SNAP25: variants seen among roughly 807,000 people sequenced by gnomAD.
SNAP25 encodes synaptosome associated protein 25.
In SNAP25, 3 loss-of-function variants were observed where a neutral mutation model predicts 28.7. The ratio of observed to expected loss-of-function variants is 0.10; its 90% CI spans 0.05 to 0.27. SNAP25 has a LOEUF of 0.27. Among genes scored for constraint, SNAP25 ranks in the 10% least tolerant of loss-of-function variants. The pLI, the probability that SNAP25 is intolerant of heterozygous loss-of-function variation, is 1.00. For synonymous variants in SNAP25, 61 were observed against 88.1 expected, an observed-to-expected ratio of 0.69 and a Z score of 1.72; for missense variants, 117 against 278.7, an observed-to-expected ratio of 0.42 and a Z score of 4.13.
At position 10,275,488 on chromosome 20, in the gene SNAP25, T is replaced by A. The variant is rs376614000; in HGVS notation, c.-4T>A. 1 of 1,602,308 alleles carries A rather than the reference T, an allele frequency of 6.2e-7. No homozygotes were observed. The highest frequency in any genetic ancestry group is 8.5e-7 in the Non-Finnish European group (1 of 1,174,196). On this transcript the variant is annotated 5_prime_UTR_variant, in exon 2 of 8. Coordinates refer to ENST00000254976, the MANE Select transcript of SNAP25 (RefSeq NM_130811.4). ...CAGGCGCCCAGCCACTCCCCACCGC[T>A]ACCATGGCCGAAGACGCAGACATGC... is the stretch of plus-strand genomic sequence containing the variant.
At position 10,239,316 on chromosome 20, in the gene SNAP25, T is replaced by C. The variant is rs188528373; in HGVS notation, c.-64+20339T>C. ...AATTTCATGCACACATATATGAAAT[T>C]CACATAGGTGATATTTCAGGTAATG... On this transcript the variant is annotated intron_variant, in intron 1 of 7. Transcript: ENST00000254976. Among the ~76,000 whole-genome samples the C allele has an allele frequency of 2.7e-3, 413 of 152,320 alleles. 4 individuals carry two copies. Among genetic ancestry groups the C allele is most frequent in the Non-Finnish European group, 4.5e-3 (306 of 68,028 alleles).
At position 10,293,009 on chromosome 20, in the gene SNAP25, G is replaced by A. The variant is rs781712740; in HGVS notation, c.164-152G>A. 3 of 1,558,270 alleles carry A rather than the reference G, an allele frequency of 1.9e-6. No individual in the cohort carries two copies. Among genetic ancestry groups the A allele is most frequent in the Admixed American group, 1.8e-5 (1 of 56,118 alleles). On this transcript the variant is annotated intron_variant, in intron 4 of 7. Coordinates refer to ENST00000254976, the MANE Select transcript of SNAP25 (RefSeq NM_130811.4). This position sits in a 1 kb window ranked among gnomAD's most constrained non-coding sequence, Gnocchi z 5.6. ...TATGTCCTTGTAACAAGTAGGTACT[G>A]GGTACCAGCTCTAATCTGTGGCGTC...
chr20:10,266,519 G>A (rs2063509545), intron 1 of SNAP25, among the ~76,000 whole-genome samples: 1 of 152,186 alleles, frequency 6.6e-6, no homozygotes, highest in African/African-American at 2.4e-5. Context: ...TGACTTAGAT[G>A]CTTAGATGCA....
intron 3 of SNAP25, among the ~76,000 whole-genome samples, chr20:10,283,693 G>A (rs1470427880): frequency 2.6e-5 from 4 of 152,134 alleles, no homozygotes; most frequent in Non-Finnish European, 5.9e-5. Context: ...TTAGTTCAAA[G>A]TACATCAGTG....
At position 10,306,117 on chromosome 20, in the gene SNAP25, C is replaced by A. The variant is rs1370471293; in HGVS notation, c.553-12C>A. Reference sequence around the variant, plus strand: ...GGTAACCTGAGTTCTGTTTCTTTTCCCCCTTTTCTAGGCTGATTCCAACAA... The same window carrying A: ...GGTAACCTGAGTTCTGTTTCTTTTCACCCTTTTCTAGGCTGATTCCAACAA... On this transcript the variant is annotated splice_polypyrimidine_tract_variant and intron_variant, in intron 7 of 7. Transcript: ENST00000254976. The A allele has an allele frequency of 6.2e-7, 1 of 1,613,174 alleles. No homozygotes were observed. Among genetic ancestry groups the A allele is most frequent in the Non-Finnish European group, 8.5e-7 (1 of 1,179,464 alleles).
At chr20:10,219,664 C>T (rs2062588859) in intron 1 of SNAP25, 1 of 152,238 alleles carries the variant, frequency 6.6e-6, no homozygotes, top group Non-Finnish European at 1.5e-5. Context: ...CGCGGGCGCC[C>T]TCGACCTTTC....
At chr20:10,258,433 G>A (rs990835932) in intron 1 of SNAP25, among the ~76,000 whole-genome samples, 9 of 152,124 alleles carry the variant, frequency 5.9e-5, no homozygotes, top group Non-Finnish European at 1.3e-4. Flanking sequence ...GATCAAACAT[G>A]GATTTAGTGA....
chr20:10,259,292 T>A (rs1249849019), intron 1 of SNAP25, among the ~76,000 whole-genome samples: 1 of 152,234 alleles, frequency 6.6e-6, no homozygotes, highest in Admixed American at 6.5e-5. Context: ...AAGCAGAATT[T>A]GCAAGTGAGT....
chr20:10,304,997 C>T (rs1328072080), intron 7 of SNAP25, among the ~76,000 whole-genome samples: 1 of 152,164 alleles, frequency 6.6e-6, no homozygotes, highest in Non-Finnish European at 1.5e-5. Context: ...CTTTACATTT[C>T]TCTCAACTGC....
chr20:10,279,572 C>A (rs1370864837), intron 3 of SNAP25, among the ~76,000 whole-genome samples: 5 of 152,188 alleles, frequency 3.3e-5, no homozygotes, highest in African/African-American at 1.2e-4. Flanking sequence ...GACATGGTCA[C>A]TTTTTCATGT....
chr20:10,230,244 G>A (rs1358606132), intron 1 of SNAP25, among the ~76,000 whole-genome samples: 1 of 152,126 alleles, frequency 6.6e-6, no homozygotes, highest in East Asian at 1.9e-4. Context: ...ACTTTAGTTG[G>A]GGGTGGGAGG....
At chr20:10,235,258 A>G (rs2062898295) in intron 1 of SNAP25, among the ~76,000 whole-genome samples, 1 of 152,214 alleles carries the variant, frequency 6.6e-6, no homozygotes, top group African/African-American at 2.4e-5. Context: ...AAAAAATAAA[A>G]ATAAATACAT....
intron 5 of SNAP25, among the ~76,000 whole-genome samples, chr20:10,294,376 A>G (rs2064061938): frequency 6.6e-6 from 1 of 152,182 alleles, no homozygotes; most frequent in Non-Finnish European, 1.5e-5. Flanking sequence ...TCTGCTTTTT[A>G]AAGAGTGATC....
Position 10,236,955 on chromosome 20 carries a change from AATAC to A in SNAP25, c.-64+17982_-64+17985del, listed in dbSNP as rs1170387329. 4.7e-3 allele frequency among the ~76,000 whole-genome samples: 492 copies of A among 104,314 alleles called. 1 individual carries two copies. The highest frequency in any genetic ancestry group is 0.014 in the African/African-American group (436 of 31,320). The allele number at this position is 104,314 out of a possible 152,430, so 68.4% of individuals were successfully genotyped here. On this transcript the variant is annotated intron_variant, in intron 1 of 7. Transcript: ENST00000254976. ...TCAGTTTACTGAGCCTCCAAAGGAA[AATAC>A]ATAAATAAATAAATAAATAAATAAA...
intron 1 of SNAP25, among the ~76,000 whole-genome samples, chr20:10,267,645 C>T (rs962039301): frequency 4.6e-5 from 7 of 152,136 alleles, no homozygotes; most frequent in African/African-American, 1.4e-4. Flanking sequence ...CTCCGCCTCC[C>T]AGGTACGAGG....
intron 3 of SNAP25, among the ~76,000 whole-genome samples, chr20:10,283,272 G>T (rs2063812219): frequency 6.6e-6 from 1 of 152,198 alleles, no homozygotes; most frequent in African/African-American, 2.4e-5. Context: ...CCTCAATGAG[G>T]TATTAACTGT....
rs2064035728 is a variant in SNAP25, at chr20:10,293,173, G to T, written c.176G>T (p.Arg59Leu). 6.2e-7 allele frequency: 1 copy of T among 1,613,364 alleles called. No homozygotes were observed. The highest frequency in any genetic ancestry group is 8.5e-7 in the Non-Finnish European group (1 of 1,179,584). ...TGTGTTTAATCAGAACAACTGGAAC[G>T]CATTGAGGAAGGGATGGACCAAATC... ...MLDEQGEQLE[R>L]IEEGMDQINK... Residue 59 changes from arginine (R) to leucine (L), a missense_variant, in exon 5 of 8, where the codon CGC (arginine) becomes CTC (leucine). Physicochemically the swap from Arg to Leu is moderately radical, Grantham distance 102. Transcript: ENST00000254976. The surrounding 1 kb of genome is among the most constrained non-coding windows in gnomAD (Gnocchi z 5.6).
Position 10,297,001 on chromosome 20 carries a change from G to T in SNAP25, c.358G>T (p.Val120Leu). The T allele has an allele frequency of 6.2e-7, 1 of 1,613,004 alleles. No individual in the cohort carries two copies. Among genetic ancestry groups the T allele is most frequent in the East Asian group, 2.2e-5 (1 of 44,854 alleles). Residue 120 changes from valine (V) to leucine (L), a missense_variant, in exon 6 of 8, where the codon GTA becomes TTA. By Grantham distance (32) the Val-to-Leu change is conservative. Transcript: ENST00000254976. ...AGTGGTGGCCAGCCAGCCTGCTCGT[G>T]TAGTGGACGAACGGGAGCAGATGGC... ...DGVVASQPAR[V>L]VDEREQMAIS...
At chr20:10,252,577 T>C (rs148027967) in intron 1 of SNAP25, among the ~76,000 whole-genome samples, 1,638 of 152,302 alleles carry the variant, frequency 0.011, 30 homozygotes, top group African/African-American at 0.036. Flanking sequence ...AATATACATA[T>C]GTTAAAATTT....
Sources: gnomAD v4.1 joint callset for allele counts (sites outside exome capture counted in the v4.1 genomes callset) on GRCh38, gnomAD v4.1.1 for gene constraint, Gnocchi (gnomAD v3.1) non-coding constraint, MANE v1.5 for transcripts, NCBI Gene and HGNC (gene_info 2026-07-23, HGNC 2026-07-21) for gene names.